The following NAV2 variants were observed in gnomAD, a reference collection of about 807,000 sequenced individuals.
NAV2 encodes neuron navigator 2.
A neutral mutation model predicts 223.2 loss-of-function variants in NAV2; 54 were observed. The observed-to-expected ratio is 0.24, with a 90% CI of 0.19 to 0.30. The LOEUF (loss-of-function observed/expected upper bound fraction) is 0.30. NAV2 is among the 10% of genes least tolerant of loss of function. The probability of loss-of-function intolerance (pLI) is 1.00; values close to 1 mark genes in which losing one functional copy is unlikely to be tolerated. For missense variants in NAV2, 2,806 were observed against 3,147.5 expected (o/e 0.89, Z 2.60); for synonymous variants, 1,279 against 1,239.3 (o/e 1.03, Z -0.67).
At chr11:19,633,561 C>T (rs1035515037) in intron 1 of NAV2, among the ~76,000 whole-genome samples, 1 of 152,264 alleles carries the variant, frequency 6.6e-6, no homozygotes, top group African/African-American at 2.4e-5. Flanking sequence ...TGTGTTTCCA[C>T]AGTGTCTGGG....
At chr11:19,960,184 C>G (rs2048235916) in intron 10 of NAV2, among the ~76,000 whole-genome samples, 1 of 152,160 alleles carries the variant, frequency 6.6e-6, no homozygotes, top group South Asian at 2.1e-4. Flanking sequence ...TGATACTGTA[C>G]TTTTTGTGCC....
Position 20,055,970 on chromosome 11 carries a change from A to C in NAV2, c.4831+13A>C. ...GGGTTTGAAGAAGGTAAGGAAGGAAAGGAAGAAGGTAAGGAAGGAAACTTC... is the reference window on the plus strand; with the variant it reads ...GGGTTTGAAGAAGGTAAGGAAGGAACGGAAGAAGGTAAGGAAGGAAACTTC... On this transcript the variant is annotated intron_variant, in intron 19 of 37. Transcript: ENST00000349880. 1.9e-6 allele frequency: 3 copies of C among 1,609,566 alleles called. No homozygotes were observed. Among genetic ancestry groups the C allele is most frequent in the Non-Finnish European group, 2.5e-6 (3 of 1,178,886 alleles).
chr11:19,864,378 A>T (rs1590953335), intron 3 of NAV2, among the ~76,000 whole-genome samples: 1 of 152,206 alleles, frequency 6.6e-6, no homozygotes, highest in Non-Finnish European at 1.5e-5. Context: ...TGCCATGACA[A>T]CTGCCACAAC....
intron 1 of NAV2, among the ~76,000 whole-genome samples, chr11:19,448,455 C>G (rs78730376): frequency 0.029 from 4,487 of 152,310 alleles, 122 homozygotes; most frequent in Non-Finnish European, 0.047. Flanking sequence ...AAGCATTATC[C>G]TCAGAAGCAA....
intron 1 of NAV2, among the ~76,000 whole-genome samples, chr11:19,549,927 G>A (rs2044635102): frequency 6.6e-6 from 1 of 152,232 alleles, no homozygotes; most frequent in African/African-American, 2.4e-5. Context: ...CCATTAACAG[G>A]AGAGCAAAAG....
At chr11:19,990,260 T>C (rs1266355265) in intron 11 of NAV2, among the ~76,000 whole-genome samples, 1 of 152,192 alleles carries the variant, frequency 6.6e-6, no homozygotes, top group African/African-American at 2.4e-5. Flanking sequence ...TTGCAATTTT[T>C]GTATTGTTAG....
chr11:19,529,587 G>T (rs1047841365), intron 1 of NAV2, among the ~76,000 whole-genome samples: 2 of 152,194 alleles, frequency 1.3e-5, no homozygotes, highest in Non-Finnish European at 2.9e-5. Context: ...GTCCTTTGGG[G>T]CCTGTCTCCC....
chr11:19,946,173 A>G (rs2046921218), intron 8 of NAV2, among the ~76,000 whole-genome samples: 1 of 152,222 alleles, frequency 6.6e-6, no homozygotes, highest in African/African-American at 2.4e-5. Context: ...GACTTCACCT[A>G]TTTAAGGAGG....
At chr11:19,924,072 G>T (rs533385783) in intron 6 of NAV2, among the ~76,000 whole-genome samples, 23 of 152,252 alleles carry the variant, frequency 1.5e-4, no homozygotes, top group Admixed American at 6.5e-4. Context: ...GATGTAAAGG[G>T]CGTGTGTGTG....
At chr11:20,078,348 A>G (rs1322403167) in intron 24 of NAV2, among the ~76,000 whole-genome samples, 2 of 152,364 alleles carry the variant, frequency 1.3e-5, no homozygotes, top group East Asian at 3.9e-4. Context: ...ACATGTTTCT[A>G]TTGGCAGAGT....
rs753179772 is a variant in NAV2, at chr11:20,045,594, C to T, written c.3826C>T (p.Pro1276Ser). ...GGTGAAAGTGAATCCGGCAGCCCAG[C>T]CTGTGTCCAGTCCGGCTCAGACCAG... ...NSVKVNPAAQ[P>S]VSSPAQTSLQ... The change falls in exon 14 of 38, where the codon CCT (proline) becomes TCT (serine). Residue 1276 changes from proline to serine, a missense_variant. Coordinates refer to ENST00000349880, the MANE Select transcript of NAV2 (RefSeq NM_145117.5). 1.9e-6 allele frequency: 3 copies of T among 1,614,086 alleles called. No homozygotes were observed. The highest frequency in any genetic ancestry group is 1.3e-5 in the African/African-American group (1 of 74,930).
Position 20,118,346 on chromosome 11 carries a change from C to T in NAV2, c.*88C>T, listed in dbSNP as rs2063303928. On this transcript the variant is annotated 3_prime_UTR_variant, in exon 38 of 38. Coordinates refer to ENST00000349880, the MANE Select transcript of NAV2 (RefSeq NM_145117.5). Reference sequence around the variant, plus strand: ...TCACCCTGAAGATGACTTCCTGAGCCAGCCCCCAGCCACAGCCTTAGAGCT... The same window carrying T: ...TCACCCTGAAGATGACTTCCTGAGCTAGCCCCCAGCCACAGCCTTAGAGCT... 1 of 1,472,680 alleles carries T rather than the reference C, an allele frequency of 6.8e-7. No homozygotes were observed. The highest frequency in any genetic ancestry group is 1.4e-5 in the African/African-American group (1 of 72,228). The allele number at this position is 1,472,680 out of a possible 1,614,324, so 91.2% of individuals were successfully genotyped here.
chr11:19,732,173 C>T (rs954776427), intron 1 of NAV2, among the ~76,000 whole-genome samples: 1 of 151,708 alleles, frequency 6.6e-6, no homozygotes, highest in Admixed American at 6.6e-5. Flanking sequence ...GCAGGAGAAT[C>T]GCTTGAACCC....
In NAV2 at chr11:19,451,237, C is replaced by A. The variant is rs901575; in HGVS notation, c.75+100210C>A. Among the ~76,000 whole-genome samples, 11 of 151,940 alleles carry A rather than the reference C, an allele frequency of 7.2e-5. No homozygotes were observed. The East Asian group carries it at 1.4e-3, about 19-fold the overall frequency. On this transcript the variant is annotated intron_variant, in intron 1 of 37. Transcript: ENST00000360655. ...CAAAACCGAGTCCCAAGCCTGCTGC[C>A]TATTGTCTCCACCTCCTCTCATTTC...
chr11:19,965,398 T>C (rs970073311), intron 10 of NAV2, among the ~76,000 whole-genome samples: 13 of 152,286 alleles, frequency 8.5e-5, no homozygotes, highest in Middle Eastern at 3.4e-3. Context: ...CATTTTTTTT[T>C]CCCACACCCA....
chr11:19,625,850 T>C (rs2047154686), intron 1 of NAV2, among the ~76,000 whole-genome samples: 1 of 152,216 alleles, frequency 6.6e-6, no homozygotes, highest in Non-Finnish European at 1.5e-5. Flanking sequence ...GTGTATCTTC[T>C]TTTGAGAAAT....
At chr11:19,772,925 C>T (rs765590222) in intron 1 of NAV2, among the ~76,000 whole-genome samples, 1 of 152,168 alleles carries the variant, frequency 6.6e-6, no homozygotes. Flanking sequence ...AACAGCTGGA[C>T]ACAAATTAGT....
intron 1 of NAV2, among the ~76,000 whole-genome samples, chr11:19,462,738 C>A (rs1031818881): frequency 6.6e-6 from 1 of 152,214 alleles, no homozygotes; most frequent in Non-Finnish European, 1.5e-5. Context: ...TAGCCTCCAT[C>A]AGTCTTTGAG....
intron 1 of NAV2, among the ~76,000 whole-genome samples, chr11:19,452,070 ACT>A (rs1851806922): frequency 6.7e-6 from 1 of 150,200 alleles, no homozygotes; most frequent in Admixed American, 6.6e-5. Flanking sequence ...TTATCCTGTA[ACT>A]ATGCAACACC....
Sources: allele counts gnomAD v4.1 joint callset (sites outside exome capture counted in the v4.1 genomes callset), GRCh38; gene constraint gnomAD v4.1.1; transcripts MANE v1.5; gene names NCBI Gene and HGNC (gene_info 2026-07-23, HGNC 2026-07-21).